STXBP3: variants seen among roughly 807,000 people sequenced by gnomAD.
STXBP3 encodes the protein syntaxin-binding protein 3.
Under a neutral mutation model 85.7 loss-of-function variants are expected in STXBP3, and 41 were observed. The observed-to-expected ratio is 0.48, with a 90% CI of 0.37 to 0.62. The LOEUF (loss-of-function observed/expected upper bound fraction) is 0.62, where lower values mean the gene tolerates loss of function less well. STXBP3 is among the 20% of genes least tolerant of loss of function. The pLI is 0.00. For missense variants in STXBP3, 563 were observed against 703.1 expected (o/e 0.80, Z 2.25); for synonymous variants, 229 against 231.7 (o/e 0.99, Z 0.10).
In STXBP3 at chr1:108,796,391, T is replaced by A; in HGVS notation, c.1249+19T>A. The A allele has an allele frequency of 7.0e-7, 1 of 1,426,530 alleles. No individual in the cohort carries two copies. Among genetic ancestry groups the A allele is most frequent in the South Asian group, 1.2e-5 (1 of 80,808 alleles). The allele number at this position is 1,426,530 out of a possible 1,614,324, so 88.4% of individuals were successfully genotyped here. ...ATTAATGGTAATGGAGATAATCACT[T>A]TTTAATAAGTATTTTACTATTGATC... On this transcript the variant is annotated intron_variant, in intron 14 of 18. Transcript: ENST00000370008.
chr1:108,803,814 G>T (rs573656728), intron 17 of STXBP3, among the ~76,000 whole-genome samples: 3 of 152,208 alleles, frequency 2.0e-5, no homozygotes, highest in African/African-American at 7.2e-5. Context: ...AGTTTTATCC[G>T]TTTCTTCATT....
intron 17 of STXBP3, among the ~76,000 whole-genome samples, chr1:108,803,352 G>A (rs1409495279): frequency 6.6e-6 from 1 of 152,156 alleles, no homozygotes; most frequent in African/African-American, 2.4e-5. Flanking sequence ...TTACTAAGCA[G>A]CATTATTGGT....
chr1:108,793,157 ATTTTTTTTTTTTT>A (rs745652259), intron 11 of STXBP3, among the ~76,000 whole-genome samples: 1 of 67,508 alleles, frequency 1.5e-5, no homozygotes, highest in Middle Eastern at 0.01. Context: ...TCTTATCTCC[ATTTTTTTTTTTTT>A]TTTTTTTTTT....
chr1:108,782,742 A>G (rs776530422), intron 11 of STXBP3, 36 bp downstream of exon 11: 3 of 1,526,418 alleles, frequency 2.0e-6, no homozygotes, highest in Non-Finnish European at 2.7e-6. Flanking sequence ...GTAATAGTGA[A>G]GGTGAATTTT....
intron 13 of STXBP3, among the ~76,000 whole-genome samples, chr1:108,795,468 G>A (rs2101132415): frequency 6.6e-6 from 1 of 150,614 alleles, no homozygotes; most frequent in East Asian, 2.0e-4. Flanking sequence ...TTTGAGGGCA[G>A]CCTGGGCAAG....
In STXBP3 at chr1:108,746,760, G is replaced by C. The variant is rs141120519; in HGVS notation, c.23G>C (p.Arg8Thr). 2.2e-5 allele frequency: 34 copies of C among 1,550,078 alleles called. 1 individual carries two copies. The South Asian group carries it at 3.8e-4, about 17-fold the overall frequency. Reference sequence around the variant, plus strand: ...AAGATGGCGCCGCCGGTGGCAGAGAGGGGGCTAAAGAGCGTCGTGTGGCAG... The same window carrying C: ...AAGATGGCGCCGCCGGTGGCAGAGACGGGGCTAAAGAGCGTCGTGTGGCAG... MAPPVAE[R>T]GLKSVVWQKI... is the part of the protein sequence containing the mutation. Residue 8 changes from arginine to threonine, a missense_variant, in exon 1 of 19, where the codon AGG becomes ACG. Arg to Thr is a moderately conservative substitution (Grantham distance 71). Coordinates refer to ENST00000370008, the MANE Select transcript of STXBP3 (RefSeq NM_007269.4).
intron 6 of STXBP3, among the ~76,000 whole-genome samples, chr1:108,762,343 A>G (rs911068453): frequency 6.6e-6 from 1 of 152,218 alleles, no homozygotes; most frequent in Non-Finnish European, 1.5e-5. Flanking sequence ...CAACACGGAA[A>G]TTTATTTCTT....
chr1:108,771,924 A>G lies in STXBP3; in HGVS notation c.439-741A>G, dbSNP rs1662450029. Among the ~76,000 whole-genome samples the G allele has an allele frequency of 3.2e-5, 2 of 61,904 alleles. 1 individual carries two copies. Among genetic ancestry groups the G allele is most frequent in the Non-Finnish European group, 5.3e-5 (2 of 37,884 alleles). 40.6% of individuals were successfully genotyped at this position (61,904 alleles called of 152,430 possible). ...TATATCATATATAAATACATATGAT[A>G]TCTATCTGTATCATATATAAATACA... On this transcript the variant is annotated intron_variant, in intron 6 of 18. Coordinates refer to ENST00000370008, the MANE Select transcript of STXBP3 (RefSeq NM_007269.4).
At chr1:108,783,707 G>A (rs1218301649) in intron 11 of STXBP3, among the ~76,000 whole-genome samples, 3 of 152,142 alleles carry the variant, frequency 2.0e-5, no homozygotes, top group African/African-American at 7.2e-5. Context: ...TATAGGGTAG[G>A]ATTGTGTTTA....
intron 6 of STXBP3, among the ~76,000 whole-genome samples, chr1:108,761,126 G>C (rs529248439): frequency 4.6e-5 from 7 of 152,050 alleles, no homozygotes; most frequent in Admixed American, 4.6e-4. Flanking sequence ...GGCTGGTCTC[G>C]AACTGCTGAC....
At chr1:108,754,634 T>C (rs1661980372) in intron 3 of STXBP3, among the ~76,000 whole-genome samples, 1 of 152,198 alleles carries the variant, frequency 6.6e-6, no homozygotes, top group African/African-American at 2.4e-5. Flanking sequence ...TGCTCACTAT[T>C]AATAGATATT....
At chr1:108,795,409 T>TC (rs1430556156) in intron 13 of STXBP3, among the ~76,000 whole-genome samples, 1 of 151,784 alleles carries the variant, frequency 6.6e-6, no homozygotes, top group African/African-American at 2.4e-5. Flanking sequence ...GTGCTTATAG[T>TC]CCCAGCTATT....
intron 13 of STXBP3, among the ~76,000 whole-genome samples, chr1:108,795,432 G>A (rs1663068449): frequency 1.3e-5 from 2 of 151,876 alleles, no homozygotes; most frequent in African/African-American, 2.4e-5. Flanking sequence ...GGAGGCTGAG[G>A]TGGGAGGATT....
chr1:108,763,367 C>G (rs1234394764), intron 6 of STXBP3, among the ~76,000 whole-genome samples: 1 of 152,174 alleles, frequency 6.6e-6, no homozygotes, highest in East Asian at 1.9e-4. Context: ...ATGAGATTGT[C>G]TAGCCTAATG....
At chr1:108,807,298 C>G in intron 17 of STXBP3, 103 bp from the exon 18 acceptor site, 1 of 1,113,622 alleles carries the variant, frequency 9.0e-7, no homozygotes, top group Non-Finnish European at 1.2e-6. Flanking sequence ...TAATTGGTAG[C>G]AAGTTTGAGT....
At chr1:108,790,135 AT>A (rs561786771) in intron 11 of STXBP3, among the ~76,000 whole-genome samples, 3 of 150,936 alleles carry the variant, frequency 2.0e-5, no homozygotes, top group South Asian at 2.1e-4. Flanking sequence ...TTCTTTTCTG[AT>A]TTTTTTTTAC....
intron 6 of STXBP3, among the ~76,000 whole-genome samples, chr1:108,765,489 T>C (rs548707531): frequency 6.6e-6 from 1 of 151,192 alleles, no homozygotes; most frequent in African/African-American, 2.4e-5. Flanking sequence ...AATATTTCCA[T>C]AAGAGGCAAA....
chr1:108,761,485 A>C (rs912647184), intron 6 of STXBP3, among the ~76,000 whole-genome samples: 1 of 152,202 alleles, frequency 6.6e-6, no homozygotes, highest in African/African-American at 2.4e-5. Flanking sequence ...ATTTGAAGGA[A>C]TGATTTGTGT....
At chr1:108,802,586 C>T (rs1055518467) in intron 17 of STXBP3, among the ~76,000 whole-genome samples, 1 of 152,150 alleles carries the variant, frequency 6.6e-6, no homozygotes, top group Non-Finnish European at 1.5e-5. Context: ...GGGTTAGATG[C>T]AGCCCAGGCT....
Sources: gnomAD v4.1 joint callset for allele counts (sites outside exome capture counted in the v4.1 genomes callset) on GRCh38, gnomAD v4.1.1 for gene constraint, MANE v1.5 for transcripts, NCBI Gene and HGNC (gene_info 2026-07-23, HGNC 2026-07-21) for gene names.